Variants in MTSS1 observed in about 807,000 individuals in gnomAD.
MTSS1 encodes the protein protein MTSS 1.
In MTSS1, 18 loss-of-function variants were observed where a neutral mutation model predicts 79.0. The observed-to-expected ratio is 0.23, with a 90% CI of 0.16 to 0.34. The LOEUF (loss-of-function observed/expected upper bound fraction) is 0.34. Ranked by LOEUF, MTSS1 falls within the 10% of genes least tolerant of loss-of-function variation. MTSS1 has a pLI of 1.00. For missense variants in MTSS1, 815 were observed against 986.2 expected, an observed-to-expected ratio of 0.83 and a Z score of 2.33; for synonymous variants, 341 against 368.6, an observed-to-expected ratio of 0.93 and a Z score of 0.86.
chr8:124,591,307 T>C, intron 3 of MTSS1, 72 bp from the exon 4 acceptor site: 1 of 1,258,846 alleles, frequency 7.9e-7, no homozygotes, highest in Non-Finnish European at 1.2e-6. Flanking sequence ...TAGAGAACTT[T>C]ACAAACAAGT....
At chr8:124,587,577 C>T (rs1194575563) in intron 5 of MTSS1, among the ~76,000 whole-genome samples, 1 of 152,240 alleles carries the variant, frequency 6.6e-6, no homozygotes, top group African/African-American at 2.4e-5. Flanking sequence ...CAGCTCACCG[C>T]AGCCTCCGCC....
chr8:124,674,501 A>G (rs1824913104), intron 3 of MTSS1, among the ~76,000 whole-genome samples: 1 of 152,046 alleles, frequency 6.6e-6, no homozygotes, highest in Non-Finnish European at 1.5e-5. Context: ...ACACATCACC[A>G]TACCTGGTTA....
chr8:124,693,502 C>T (rs557146322), intron 3 of MTSS1, among the ~76,000 whole-genome samples: 1 of 152,328 alleles, frequency 6.6e-6, no homozygotes, highest in African/African-American at 2.4e-5. Context: ...AAAATCTGTA[C>T]TGCAAATGTG....
At chr8:124,646,645 A>C (rs907191474) in intron 3 of MTSS1, among the ~76,000 whole-genome samples, 1 of 152,200 alleles carries the variant, frequency 6.6e-6, no homozygotes, top group Non-Finnish European at 1.5e-5. Context: ...TTAAAAGACA[A>C]AATGCCCGTG....
rs750547096 is a variant in MTSS1 at position 124,597,710 on chromosome 8, C to T, written c.209-6475G>A. 2.0e-5 allele frequency among the ~76,000 whole-genome samples: 3 copies of T among 152,156 alleles called. No individual in the cohort carries two copies. Among genetic ancestry groups the T allele is most frequent in the East Asian group, 1.9e-4 (1 of 5,188 alleles). ...GTTTTGTCAGGCCCAGCTTCTGCAG[C>T]GTGGAGGGGAAGGGCTGAGGAAGCC... On this transcript the variant is annotated intron_variant, in intron 3 of 13. Coordinates refer to ENST00000518547, the MANE Select transcript of MTSS1 (RefSeq NM_014751.6). This position sits in a 1 kb window ranked among gnomAD's most constrained non-coding sequence, Gnocchi z 4.6.
rs189370298 is a variant in MTSS1, at chr8:124,568,369, A to G, written c.618+10T>C. ...CAGTTTAAACCTTCTGGAGTTTTCCATTAACTTACAATCACTGGCCGCAGC... is the reference window on the plus strand; with the variant it reads ...CAGTTTAAACCTTCTGGAGTTTTCCGTTAACTTACAATCACTGGCCGCAGC... On this transcript the variant is annotated intron_variant, in intron 7 of 13. Transcript: ENST00000518547. 9.4e-5 allele frequency: 151 copies of G among 1,609,956 alleles called. No homozygotes were observed. Among genetic ancestry groups the G allele is most frequent in the Non-Finnish European group, 1.2e-4 (145 of 1,176,914 alleles).
chr8:124,670,011 G>A (rs1295936240), intron 3 of MTSS1, among the ~76,000 whole-genome samples: 15 of 152,186 alleles, frequency 9.9e-5, no homozygotes, highest in Admixed American at 9.8e-4. Context: ...TGGATACAGA[G>A]AACACAAGAC....
intron 2 of MTSS1, 34 bp from the exon 3 acceptor site, chr8:124,699,633 A>G (rs1829411771): frequency 1.3e-6 from 2 of 1,598,132 alleles, no homozygotes; most frequent in African/African-American, 1.3e-5. Flanking sequence ...AGCATAAGGA[A>G]TGTCTCTCCC....
intron 3 of MTSS1, among the ~76,000 whole-genome samples, chr8:124,614,570 C>T (rs184313391): frequency 6.6e-6 from 1 of 152,238 alleles, no homozygotes; most frequent in African/African-American, 2.4e-5. Flanking sequence ...TATGCTTCAG[C>T]TGTTTTGGAA....
At chr8:124,632,344 T>C (rs1401903381) in intron 3 of MTSS1, among the ~76,000 whole-genome samples, 3 of 139,184 alleles carry the variant, frequency 2.2e-5, no homozygotes, top group African/African-American at 8.2e-5. Context: ...AACACATACA[T>C]AGGTCAGTAA....
At chr8:124,717,052 A>G (rs1832123451) in intron 1 of MTSS1, among the ~76,000 whole-genome samples, 4 of 151,546 alleles carry the variant, frequency 2.6e-5, no homozygotes, top group Middle Eastern at 7.0e-3. Context: ...TGAGGGAGGT[A>G]CTGGCTTCTG....
intron 3 of MTSS1, among the ~76,000 whole-genome samples, chr8:124,651,666 C>T (rs1251999406): frequency 6.6e-6 from 1 of 152,132 alleles, no homozygotes; most frequent in East Asian, 1.9e-4. Flanking sequence ...ACATAAGTCT[C>T]CACCCAGTCA....
At chr8:124,615,071 G>A (rs146954301) in intron 3 of MTSS1, among the ~76,000 whole-genome samples, 86 of 152,278 alleles carry the variant, frequency 5.6e-4, no homozygotes, top group Non-Finnish European at 1.0e-3. Context: ...AGAAGAGCAC[G>A]TGCAAAAAAG....
intron 3 of MTSS1, among the ~76,000 whole-genome samples, chr8:124,624,982 C>T (rs965976018): frequency 6.6e-6 from 1 of 152,180 alleles, no homozygotes; most frequent in Non-Finnish European, 1.5e-5. Context: ...CAGACCTCAG[C>T]GGCTGTAACA....
chr8:124,585,253 G>C, intron 5 of MTSS1, 92 bp from the exon 6 acceptor site: 1 of 900,588 alleles, frequency 1.1e-6, no homozygotes, highest in East Asian at 2.4e-5. Flanking sequence ...ATCACAGAAA[G>C]CATAAACTGT....
In MTSS1 at chr8:124,557,683, T is replaced by C. The variant is rs1459816267; in HGVS notation, c.1228A>G (p.Lys410Glu). 1 of 1,572,914 alleles carries C rather than the reference T, an allele frequency of 6.4e-7. No individual in the cohort carries two copies. Among genetic ancestry groups the C allele is most frequent in the African/African-American group, 1.4e-5 (1 of 73,544 alleles). ...GGAGGAGGGGGAGAGACACAAACCT[T>C]CCAGCTAGGGATCTGAGATGACGGG... Reference protein sequence around the residue: ...MFPSSQIPSWKDWAKPGPYDQ... With the variant: ...MFPSSQIPSWEDWAKPGPYDQ... Residue 410 changes from lysine (K) to glutamate (E), a missense_variant and splice_region_variant, in exon 11 of 14, where the codon AAG (lysine) becomes GAG (glutamate). This residue lies in a region of MTSS1 where 590 missense variants were observed against 620.8 expected (regional missense o/e 0.95). Transcript: ENST00000518547.
At chr8:124,614,562 T>C (rs1248602314) in intron 3 of MTSS1, among the ~76,000 whole-genome samples, 5 of 152,240 alleles carry the variant, frequency 3.3e-5, no homozygotes, top group Non-Finnish European at 5.9e-5. Context: ...CAGAAGACTA[T>C]GCTTCAGCTG....
intron 7 of MTSS1, chr8:124,567,804 T>C: frequency 1.3e-6 from 2 of 1,529,266 alleles, no homozygotes; most frequent in East Asian, 2.5e-5. Flanking sequence ...GACATTTTGC[T>C]AGGGCTAAGG....
At chr8:124,577,721 G>C (rs998071221) in intron 6 of MTSS1, 1 of 470,904 alleles carries the variant, frequency 2.1e-6, no homozygotes, top group South Asian at 1.5e-5. Context: ...GCTTAGCCTC[G>C]AAGAACTGGC....
Sources: allele counts gnomAD v4.1 joint callset (sites outside exome capture counted in the v4.1 genomes callset), GRCh38; gene constraint gnomAD v4.1.1; regional missense constraint gnomAD v4.1.1; non-coding constraint Gnocchi (gnomAD v3.1); transcripts MANE v1.5; gene names NCBI Gene and HGNC (gene_info 2026-07-23, HGNC 2026-07-21).